CSMD1: variants seen among roughly 807,000 people sequenced by gnomAD.
CSMD1 encodes the protein CUB and sushi domain-containing protein 1.
Under a neutral mutation model 417.5 loss-of-function variants are expected in CSMD1, and 213 were observed. The observed-to-expected ratio is 0.51, with a 90% confidence interval of 0.46 to 0.57. The LOEUF is 0.57. CSMD1 is among the 20% of genes least tolerant of loss of function. The pLI, the probability that CSMD1 is intolerant of heterozygous loss-of-function variation, is 0.00. For synonymous variants in CSMD1, 2,862 were observed against 1,736.8 expected (o/e 1.65, Z -16.11); for missense variants, 6,923 against 4,529.7 (o/e 1.53, Z -15.17).
intron 5 of CSMD1, among the ~76,000 whole-genome samples, chr8:3,771,616 G>A (rs773575764): frequency 2.0e-5 from 3 of 152,102 alleles, no homozygotes; most frequent in Non-Finnish European, 4.4e-5. Context: ...CATCAAGTTG[G>A]AGAAAGGTGA....
At chr8:4,445,386 A>T (rs1348539809) in intron 2 of CSMD1, among the ~76,000 whole-genome samples, 3 of 152,218 alleles carry the variant, frequency 2.0e-5, no homozygotes, top group Non-Finnish European at 4.4e-5. Flanking sequence ...AGCTCAACAA[A>T]TTCTATGCTT....
chr8:4,329,242 G>T (rs1799730596), intron 3 of CSMD1, among the ~76,000 whole-genome samples: 1 of 152,112 alleles, frequency 6.6e-6, no homozygotes, highest in Non-Finnish European at 1.5e-5. Context: ...GTTGACATAT[G>T]CACAGAATAC....
At chr8:3,297,928 T>C (rs1427314277) in intron 25 of CSMD1, among the ~76,000 whole-genome samples, 1 of 152,032 alleles carries the variant, frequency 6.6e-6, no homozygotes, top group Non-Finnish European at 1.5e-5. Context: ...TATAAAAAAA[T>C]GGGCAAAAGG....
chr8:3,705,357 A>G (rs1350377903), intron 7 of CSMD1, among the ~76,000 whole-genome samples: 4 of 152,182 alleles, frequency 2.6e-5, no homozygotes, highest in Non-Finnish European at 5.9e-5. Flanking sequence ...CCTTCCATCC[A>G]TACCCTGGTG....
At chr8:3,651,396 C>T (rs971110497) in intron 7 of CSMD1, among the ~76,000 whole-genome samples, 2 of 152,098 alleles carry the variant, frequency 1.3e-5, no homozygotes, top group Admixed American at 6.5e-5. Flanking sequence ...ATATGGAAGC[C>T]ATGGCCCTTC....
intron 1 of CSMD1, among the ~76,000 whole-genome samples, chr8:4,692,462 G>A (rs945259564): frequency 2.6e-5 from 4 of 152,256 alleles, no homozygotes; most frequent in African/African-American, 9.6e-5. Context: ...TCCTGGCTAT[G>A]GTCGACCACA....
At chr8:3,444,782 T>C (rs891777589) in intron 12 of CSMD1, among the ~76,000 whole-genome samples, 2 of 152,194 alleles carry the variant, frequency 1.3e-5, no homozygotes, top group African/African-American at 4.8e-5. Flanking sequence ...CCTATCAACT[T>C]TGCCACCAGA....
At chr8:3,903,203 T>G (rs909391419) in intron 5 of CSMD1, among the ~76,000 whole-genome samples, 1 of 152,104 alleles carries the variant, frequency 6.6e-6, no homozygotes, top group African/African-American at 2.4e-5. Flanking sequence ...CCCTTCAGTG[T>G]GACTCTGCAC....
intron 4 of CSMD1, among the ~76,000 whole-genome samples, chr8:3,998,877 T>C (rs942060008): frequency 2.0e-5 from 3 of 149,804 alleles, no homozygotes; most frequent in Admixed American, 6.7e-5. Context: ...ATAGTTGATA[T>C]ATATAACATA....
intron 1 of CSMD1, among the ~76,000 whole-genome samples, chr8:4,674,076 C>A (rs564936390): frequency 1.3e-5 from 2 of 152,268 alleles, no homozygotes; most frequent in East Asian, 3.9e-4. Context: ...GACTTTCTCA[C>A]TTATATGCAT....
At chr8:4,845,771 G>A (rs117075151) in intron 1 of CSMD1, among the ~76,000 whole-genome samples, 3 of 152,176 alleles carry the variant, frequency 2.0e-5, no homozygotes, top group Non-Finnish European at 4.4e-5. Context: ...CAAGAATCAC[G>A]TGAGTAGTAT....
intron 1 of CSMD1, among the ~76,000 whole-genome samples, chr8:4,718,937 C>A (rs1338535578): frequency 1.3e-5 from 2 of 151,828 alleles, no homozygotes; most frequent in Non-Finnish European, 2.9e-5. Context: ...TCATTATACA[C>A]TGACAGGAAA....
At chr8:3,225,635 C>T (rs1250443600) in intron 27 of CSMD1, among the ~76,000 whole-genome samples, 1 of 151,966 alleles carries the variant, frequency 6.6e-6, no homozygotes, top group African/African-American at 2.4e-5. Flanking sequence ...CAGGGTGCTA[C>T]CAGCAGGAAG....
chr8:3,912,508 C>G (rs948550593), intron 5 of CSMD1, among the ~76,000 whole-genome samples: 1 of 152,046 alleles, frequency 6.6e-6, no homozygotes, highest in Non-Finnish European at 1.5e-5. Flanking sequence ...ATATTGCATA[C>G]AATGGAAATA....
At chr8:4,048,320 T>A (rs1473313396) in intron 3 of CSMD1, among the ~76,000 whole-genome samples, 1 of 151,960 alleles carries the variant, frequency 6.6e-6, no homozygotes, top group African/African-American at 2.4e-5. Context: ...AAGAGGGGAG[T>A]CTTTCATTTA....
chr8:3,467,516 A>C (rs148563529), intron 12 of CSMD1, among the ~76,000 whole-genome samples: 77 of 152,358 alleles, frequency 5.1e-4, no homozygotes, highest in Non-Finnish European at 9.8e-4. Context: ...AGTTTTAGTC[A>C]TTGAAAGGGA....
At chr8:4,108,647 C>G (rs1208264702) in intron 3 of CSMD1, among the ~76,000 whole-genome samples, 1 of 152,160 alleles carries the variant, frequency 6.6e-6, no homozygotes, top group Non-Finnish European at 1.5e-5. Flanking sequence ...TTTGAAATGC[C>G]ACCTGACACT....
intron 26 of CSMD1, among the ~76,000 whole-genome samples, chr8:3,241,462 A>T (rs1265418040): frequency 6.6e-6 from 1 of 152,134 alleles, no homozygotes; most frequent in Admixed American, 6.5e-5. Flanking sequence ...TTCCGAGGTG[A>T]TCTGGCAGTG....
At chr8:4,384,362 G>A (rs1372540217) in intron 3 of CSMD1, among the ~76,000 whole-genome samples, 1 of 152,104 alleles carries the variant, frequency 6.6e-6, no homozygotes, top group Non-Finnish European at 1.5e-5. Flanking sequence ...CGCATCTGAG[G>A]CCCATCACTA....
Sources: gnomAD v4.1 joint callset for allele counts (sites outside exome capture counted in the v4.1 genomes callset) on GRCh38, gnomAD v4.1.1 for gene constraint, MANE v1.5 for transcripts, NCBI Gene and HGNC (gene_info 2026-07-23, HGNC 2026-07-21) for gene names.